The following NAA15 variants were observed in gnomAD, a reference collection of about 807,000 sequenced individuals.
NAA15 encodes N-terminal acetyltransferase.
Under a neutral mutation model 114.0 loss-of-function variants are expected in NAA15, and 34 were observed. The ratio of observed to expected loss-of-function variants is 0.30; its 90% CI spans 0.23 to 0.40. NAA15 has a LOEUF of 0.40. Ranked by LOEUF, NAA15 falls within the 10% of genes least tolerant of loss-of-function variation. The pLI, the probability that NAA15 is intolerant of heterozygous loss-of-function variation, is 1.00. For missense variants in NAA15, 658 were observed against 1,004.5 expected, an observed-to-expected ratio of 0.66 and a Z score of 4.66; for synonymous variants, 340 against 338.0, an observed-to-expected ratio of 1.01 and a Z score of -0.06.
chr4:139,372,217 A>G (rs372783520), intron 15 of NAA15, among the ~76,000 whole-genome samples: 30 of 152,108 alleles, frequency 2.0e-4, no homozygotes, highest in Admixed American at 2.0e-3. Flanking sequence ...CGCCTGGCCC[A>G]TGTATTTCTT....
At position 139,315,528 on chromosome 4, in the gene NAA15, A is replaced by G. The variant is rs897110516; in HGVS notation, c.54+13697A>G. Among the ~76,000 whole-genome samples the G allele has an allele frequency of 1.8e-4, 27 of 151,820 alleles. 1 individual carries two copies. The highest frequency in any genetic ancestry group is 6.5e-4 in the African/African-American group (27 of 41,260). On this transcript the variant is annotated intron_variant, in intron 1 of 19. Transcript: ENST00000296543. ...GTGAGACCGCGTCTCAAGAACAACA[A>G]TAACAACAACAACAACGACTCGGCA...
chr4:139,302,422 G>A (rs967085174), intron 1 of NAA15: 3 of 152,318 alleles, frequency 2.0e-5, no homozygotes, highest in African/African-American at 7.2e-5. Context: ...CTACCTCCTT[G>A]TAGTCAGTTG....
At chr4:139,328,135 C>G (rs1438279441) in intron 1 of NAA15, among the ~76,000 whole-genome samples, 1 of 148,694 alleles carries the variant, frequency 6.7e-6, no homozygotes, top group African/African-American at 2.5e-5. Flanking sequence ...TTTTCTTCTT[C>G]TGAAGTGTCA....
Position 139,341,593 on chromosome 4 carries a change from C to CAAAA in NAA15, c.402+547_402+550dup, listed in dbSNP as rs751688160. On this transcript the variant is annotated intron_variant, in intron 4 of 19. Transcript: ENST00000296543. ...TGGGTAACAGAGCGAAACTCTGTCT[C>CAAAA]AAAAAAAAAAAAAAAAAAAAAAAAA... 6.9e-3 allele frequency among the ~76,000 whole-genome samples: 99 copies of CAAAA among 14,428 alleles called. 15 individuals carry two copies. Among genetic ancestry groups the CAAAA allele is most frequent in the Middle Eastern group, 0.042 (1 of 24 alleles). 9.5% of individuals were successfully genotyped at this position (14,428 alleles called of 152,430 possible). A position where few individuals can be genotyped will look rare whatever the true frequency, so the allele number is the denominator to read the frequency against.
chr4:139,314,078 A>G lies in NAA15; in HGVS notation c.54+12247A>G, dbSNP rs547468383. 1.3e-5 allele frequency among the ~76,000 whole-genome samples: 2 copies of G among 152,162 alleles called. 1 individual carries two copies. Among genetic ancestry groups the G allele is most frequent in the East Asian group, 3.9e-4 (2 of 5,170 alleles). On this transcript the variant is annotated intron_variant, in intron 1 of 19. Transcript: ENST00000296543. ...AAATGGTTAACAAATACATAATACT[A>G]TGATGTAAATATTGCACTTTACCTT... is the stretch of plus-strand genomic sequence containing the variant.
rs140387321 is a variant in NAA15 at position 139,340,690 on chromosome 4, C to T, written c.245-222C>T. Among the ~76,000 whole-genome samples the T allele has an allele frequency of 1.7e-3, 262 of 152,292 alleles. 1 individual carries two copies. The highest frequency in any genetic ancestry group is 5.9e-3 in the African/African-American group (245 of 41,566). ...GACTGATTTGTCCAAGGTTACAGAG[C>T]TGATAAGGTAGGCAAGACCTAATTT... On this transcript the variant is annotated intron_variant, in intron 3 of 19. Transcript: ENST00000296543.
chr4:139,377,872 A>T lies in NAA15; in HGVS notation c.2057-884A>T, dbSNP rs140404933. Among the ~76,000 whole-genome samples, 6 of 152,346 alleles carry T rather than the reference A, an allele frequency of 3.9e-5. No individual in the cohort carries two copies. The East Asian group carries it at 1.2e-3, about 29-fold the overall frequency. ...TTAAAAAATTCTTAAATGGAACCCCAAAGTATAAAATTCAAAAGCTGCTCT... is the reference window on the plus strand; with the variant it reads ...TTAAAAAATTCTTAAATGGAACCCCTAAGTATAAAATTCAAAAGCTGCTCT... On this transcript the variant is annotated intron_variant, in intron 16 of 19. Transcript: ENST00000296543.
intron 1 of NAA15, among the ~76,000 whole-genome samples, chr4:139,320,136 C>G (rs1746549418): frequency 6.6e-6 from 1 of 152,270 alleles, no homozygotes; most frequent in African/African-American, 2.4e-5. Flanking sequence ...AGATTTTCCT[C>G]TTTGCATACT....
At chr4:139,305,803 G>C (rs567029402) in intron 1 of NAA15, among the ~76,000 whole-genome samples, 1 of 152,264 alleles carries the variant, frequency 6.6e-6, no homozygotes, top group African/African-American at 2.4e-5. Flanking sequence ...CAGAATGCTG[G>C]GATTACAGGC....
chr4:139,307,014 A>G (rs1403880679), intron 1 of NAA15, among the ~76,000 whole-genome samples: 1 of 152,322 alleles, frequency 6.6e-6, no homozygotes, highest in East Asian at 1.9e-4. Flanking sequence ...CTTTAGCCTG[A>G]ATGATTTAAA....
chr4:139,387,633 C>G (rs1473808825), intron 19 of NAA15, among the ~76,000 whole-genome samples: 2 of 152,180 alleles, frequency 1.3e-5, no homozygotes, highest in Non-Finnish European at 2.9e-5. Context: ...ACCTTGCTTG[C>G]CTCACCATAG....
chr4:139,370,493 C>T, intron 15 of NAA15, 89 bp downstream of exon 15: 1 of 1,261,540 alleles, frequency 7.9e-7, no homozygotes, highest in Non-Finnish European at 1.0e-6. Flanking sequence ...CAGTATATAA[C>T]CTTATGTGAT....
intron 14 of NAA15, among the ~76,000 whole-genome samples, chr4:139,365,506 A>C (rs1388270099): frequency 6.6e-6 from 1 of 151,952 alleles, no homozygotes; most frequent in Non-Finnish European, 1.5e-5. Context: ...TTATACTCTA[A>C]TTCGTGAGGT....
chr4:139,357,667 A>C (rs1319832642), intron 11 of NAA15, 112 bp downstream of exon 11: 10 of 686,480 alleles, frequency 1.5e-5, no homozygotes, highest in Non-Finnish European at 2.4e-5. Context: ...TAACTCAAAA[A>C]ACATGAAGTA....
chr4:139,343,395 A>G (rs1444331172), intron 5 of NAA15, among the ~76,000 whole-genome samples: 1 of 152,204 alleles, frequency 6.6e-6, no homozygotes, highest in Non-Finnish European at 1.5e-5. Flanking sequence ...TGTCCTAGTT[A>G]TAGCCTTTCT....
intron 17 of NAA15, among the ~76,000 whole-genome samples, chr4:139,382,541 AC>A (rs1197224431): frequency 6.6e-6 from 1 of 152,172 alleles, no homozygotes; most frequent in Non-Finnish European, 1.5e-5. Context: ...TTTCAGGCAA[AC>A]CAGCAAGGCC....
intron 15 of NAA15, among the ~76,000 whole-genome samples, chr4:139,371,771 A>G (rs1748446965): frequency 6.6e-6 from 1 of 151,950 alleles, no homozygotes; most frequent in African/African-American, 2.4e-5. Flanking sequence ...TTATGCCCCC[A>G]CTTTCTTTAT....
chr4:139,342,287 A>G (rs577382480), intron 4 of NAA15, among the ~76,000 whole-genome samples: 1 of 152,144 alleles, frequency 6.6e-6, no homozygotes, highest in East Asian at 1.9e-4. Context: ...TTTGGTCTTA[A>G]GTTTTAAAAA....
chr4:139,373,240 A>T (rs889698163), intron 15 of NAA15, among the ~76,000 whole-genome samples: 1 of 152,174 alleles, frequency 6.6e-6, no homozygotes, highest in Non-Finnish European at 1.5e-5. Context: ...CCTAGATGGT[A>T]AAGTCTACTA....
Sources: gnomAD v4.1 joint callset for allele counts (sites outside exome capture counted in the v4.1 genomes callset) on GRCh38, gnomAD v4.1.1 for gene constraint, MANE v1.5 for transcripts, NCBI Gene and HGNC (gene_info 2026-07-23, HGNC 2026-07-21) for gene names.